The following THRB variants were observed in gnomAD, a reference collection of about 807,000 sequenced individuals.
THRB encodes the protein nuclear receptor subfamily 1 group A member 2.
Under a neutral mutation model 47.8 loss-of-function variants are expected in THRB, and 12 were observed. The observed-to-expected ratio is 0.25, with a 90% CI of 0.16 to 0.41. The LOEUF (loss-of-function observed/expected upper bound fraction) is 0.41. THRB is among the 10% of genes least tolerant of loss of function. THRB has a pLI of 1.00. For missense variants in THRB, 348 were observed against 589.2 expected (o/e 0.59, Z 4.24); for synonymous variants, 218 against 212.2 (o/e 1.03, Z -0.24).
At chr3:24,301,719 C>A (rs958774047) in intron 2 of THRB, among the ~76,000 whole-genome samples, 1 of 152,066 alleles carries the variant, frequency 6.6e-6, no homozygotes, top group Non-Finnish European at 1.5e-5. Context: ...ACTTTATTGC[C>A]GAATCCTGTA....
At chr3:24,372,315 G>T (rs1457760970) in intron 1 of THRB, among the ~76,000 whole-genome samples, 2 of 152,062 alleles carry the variant, frequency 1.3e-5, no homozygotes, top group Non-Finnish European at 2.9e-5. Context: ...GTTAGGATGA[G>T]ATGTACAAAA....
intron 2 of THRB, among the ~76,000 whole-genome samples, chr3:24,316,900 T>C (rs761128505): frequency 6.6e-6 from 1 of 152,174 alleles, no homozygotes; most frequent in Non-Finnish European, 1.5e-5. Context: ...CTCCTTTTCG[T>C]GAAAGGCTGA....
chr3:24,300,841 T>C (rs577434679), intron 2 of THRB, among the ~76,000 whole-genome samples: 122 of 152,232 alleles, frequency 8.0e-4, no homozygotes, highest in Non-Finnish European at 9.7e-4. Flanking sequence ...GGGTATCTCA[T>C]TGTAGTGACT....
chr3:24,348,655 T>C (rs1016954196), intron 1 of THRB: 3 of 152,092 alleles, frequency 2.0e-5, no homozygotes, highest in African/African-American at 7.2e-5. Context: ...ATGCCTCTCA[T>C]AGTATTTCCA....
intron 5 of THRB, among the ~76,000 whole-genome samples, chr3:24,174,855 G>T (rs967028494): frequency 2.6e-4 from 39 of 152,146 alleles, no homozygotes; most frequent in Non-Finnish European, 2.9e-5. Context: ...ACTCAGGGAG[G>T]TTCCATAACT....
At chr3:24,263,704 A>G (rs2052335206) in intron 3 of THRB, among the ~76,000 whole-genome samples, 1 of 151,878 alleles carries the variant, frequency 6.6e-6, no homozygotes, top group Non-Finnish European at 1.5e-5. Flanking sequence ...TAGAATAGAT[A>G]CTTGCTGACT....
chr3:24,317,861 A>C (rs2058229946), intron 2 of THRB, among the ~76,000 whole-genome samples: 1 of 152,166 alleles, frequency 6.6e-6, no homozygotes, highest in Admixed American at 6.5e-5. Context: ...GTTCAAGAAT[A>C]GCCTGGGAAA....
intron 5 of THRB, among the ~76,000 whole-genome samples, chr3:24,189,109 T>C (rs1477681514): frequency 6.6e-6 from 1 of 151,958 alleles, no homozygotes; most frequent in Non-Finnish European, 1.5e-5. Flanking sequence ...AATATAATCA[T>C]GTGTATATGT....
intron 3 of THRB, among the ~76,000 whole-genome samples, chr3:24,233,289 G>C (rs1268614089): frequency 6.6e-6 from 1 of 152,098 alleles, no homozygotes; most frequent in African/African-American, 2.4e-5. Flanking sequence ...TGTGGCTGCT[G>C]CTAATTACTC....
At chr3:24,357,240 T>C (rs2063730816) in intron 1 of THRB, among the ~76,000 whole-genome samples, 1 of 144,108 alleles carries the variant, frequency 6.9e-6, no homozygotes, top group Admixed American at 7.1e-5. Flanking sequence ...GATAATTTCA[T>C]TCAAATTCCT....
intron 7 of THRB, chr3:24,143,981 A>G (rs1215419230): frequency 2.0e-6 from 1 of 503,648 alleles, no homozygotes; most frequent in Non-Finnish European, 3.6e-6. Flanking sequence ...CTCCAACTCC[A>G]CAGAAGGTGG....
intron 2 of THRB, among the ~76,000 whole-genome samples, chr3:24,324,269 A>C (rs1474501804): frequency 6.7e-6 from 1 of 149,382 alleles, no homozygotes; most frequent in Non-Finnish European, 1.5e-5. Flanking sequence ...TGCTTTGTCC[A>C]GTTTGCTCAT....
chr3:24,183,936 C>T (rs775947206), intron 5 of THRB, among the ~76,000 whole-genome samples: 10 of 152,090 alleles, frequency 6.6e-5, no homozygotes, highest in Admixed American at 1.3e-4. Context: ...TTTATTAATA[C>T]GTTCTTGTAA....
intron 1 of THRB, among the ~76,000 whole-genome samples, chr3:24,376,733 T>TGGAAATA (rs2065321651): frequency 3.3e-5 from 5 of 152,110 alleles, no homozygotes; most frequent in African/African-American, 1.2e-4. Context: ...AAACCAGGCC[T>TGGAAATA]CCACTATTTC....
chr3:24,146,530 G>C, intron 7 of THRB, 145 bp downstream of exon 7: 1 of 843,072 alleles, frequency 1.2e-6, no homozygotes, highest in South Asian at 1.6e-5. Context: ...TGGATGTGGG[G>C]AGTGAGGGGT....
At chr3:24,406,770 T>C (rs1258858332) in intron 1 of THRB, among the ~76,000 whole-genome samples, 1 of 151,826 alleles carries the variant, frequency 6.6e-6, no homozygotes, top group Non-Finnish European at 1.5e-5. Context: ...CTCCACTAAA[T>C]AATAGAGAGA....
intron 5 of THRB, among the ~76,000 whole-genome samples, chr3:24,167,367 G>T (rs773742029): frequency 6.6e-6 from 1 of 152,034 alleles, no homozygotes; most frequent in Non-Finnish European, 1.5e-5. Flanking sequence ...CATTTTAATC[G>T]TGTTTTTACT....
At chr3:24,412,936 A>G (rs2068431929) in intron 1 of THRB, among the ~76,000 whole-genome samples, 1 of 151,852 alleles carries the variant, frequency 6.6e-6, no homozygotes, top group Non-Finnish European at 1.5e-5. Context: ...TTAATGCTCT[A>G]GGAAATACAA....
At chr3:24,175,962 C>A (rs765742391) in intron 5 of THRB, among the ~76,000 whole-genome samples, 6 of 152,140 alleles carry the variant, frequency 3.9e-5, no homozygotes, top group Non-Finnish European at 5.9e-5. Flanking sequence ...TTTCCCACTT[C>A]CACGCTATGC....
Sources: gnomAD v4.1 joint callset for allele counts (sites outside exome capture counted in the v4.1 genomes callset) on GRCh38, gnomAD v4.1.1 for gene constraint, MANE v1.5 for transcripts, NCBI Gene and HGNC (gene_info 2026-07-23, HGNC 2026-07-21) for gene names.